Variants in EPB41L4A observed in about 807,000 individuals in gnomAD.
EPB41L4A encodes erythrocyte membrane protein band 4.1 like 4A, also known as band 4.1-like protein 4A.
In EPB41L4A, 100 loss-of-function variants were observed where a neutral mutation model predicts 108.6. The observed-to-expected ratio is 0.92, with a 90% CI of 0.78 to 1.09. The LOEUF (loss-of-function observed/expected upper bound fraction) is 1.09, where lower values mean the gene tolerates loss of function less well. Among genes scored for constraint, EPB41L4A ranks in the 50% least tolerant of loss-of-function variants. The pLI, the probability that EPB41L4A is intolerant of heterozygous loss-of-function variation, is 0.00. For synonymous variants in EPB41L4A, 319 were observed against 289.0 expected, an observed-to-expected ratio of 1.10 and a Z score of -1.05; for missense variants, 1,030 against 842.7, an observed-to-expected ratio of 1.22 and a Z score of -2.75.
rs1414943602 is a variant in EPB41L4A, at chr5:112,184,145, A to G, written c.1503-10T>C. On this transcript the variant is annotated splice_polypyrimidine_tract_variant and intron_variant, in intron 17 of 22. Transcript: ENST00000261486. ...ATTCTCCTGCCGTATTCTGAAAGGAAAGCCATGCATCTGAAGTTAACATCT... is the reference window on the plus strand; with the variant it reads ...ATTCTCCTGCCGTATTCTGAAAGGAGAGCCATGCATCTGAAGTTAACATCT... 2 of 1,613,696 alleles carry G rather than the reference A, an allele frequency of 1.2e-6. No individual in the cohort carries two copies. Among genetic ancestry groups the G allele is most frequent in the African/African-American group, 1.3e-5 (1 of 74,914 alleles).
At chr5:112,165,257 C>A in intron 22 of EPB41L4A, 139 bp from the exon 23 acceptor site, 1 of 642,234 alleles carries the variant, frequency 1.6e-6, no homozygotes, top group South Asian at 2.2e-5. Flanking sequence ...AAAAGCTATT[C>A]AATAAATGTT....
intron 1 of EPB41L4A, among the ~76,000 whole-genome samples, chr5:112,364,552 A>C (rs1290753719): frequency 6.6e-6 from 1 of 152,182 alleles, no homozygotes; most frequent in Non-Finnish European, 1.5e-5. Flanking sequence ...CTAATGGAGA[A>C]ACTCAGTGGG....
intron 13 of EPB41L4A, chr5:112,207,032 C>A (rs1016519025): frequency 2.3e-4 from 35 of 152,196 alleles, no homozygotes; most frequent in African/African-American, 8.4e-4. Flanking sequence ...TACCTGACTT[C>A]AAACTGTACT....
intron 22 of EPB41L4A, among the ~76,000 whole-genome samples, chr5:112,167,337 T>C (rs1413319876): frequency 2.6e-5 from 4 of 152,190 alleles, no homozygotes; most frequent in African/African-American, 9.7e-5. Context: ...GAAAAAGTAC[T>C]GTCAACTTTA....
chr5:112,233,251 A>G (rs527509681), intron 12 of EPB41L4A, among the ~76,000 whole-genome samples: 1 of 152,356 alleles, frequency 6.6e-6, no homozygotes, highest in South Asian at 2.1e-4. Context: ...TTTGTTCAGG[A>G]AACTGACAAA....
intron 2 of EPB41L4A, among the ~76,000 whole-genome samples, chr5:112,296,691 T>C (rs528840582): frequency 3.9e-5 from 6 of 152,314 alleles, no homozygotes; most frequent in African/African-American, 1.4e-4. Flanking sequence ...TTGTGAGATT[T>C]TGGTGCAACC....
chr5:112,197,575 A>G (rs533020504), intron 15 of EPB41L4A, among the ~76,000 whole-genome samples: 1 of 152,178 alleles, frequency 6.6e-6, no homozygotes, highest in Non-Finnish European at 1.5e-5. Context: ...TTCCATGTAC[A>G]TATCACTTGC....
intron 9 of EPB41L4A, among the ~76,000 whole-genome samples, chr5:112,250,022 C>CAT (rs1750544893): frequency 6.6e-6 from 1 of 151,968 alleles, no homozygotes; most frequent in Non-Finnish European, 1.5e-5. Flanking sequence ...GATACACACA[C>CAT]ATTTTTTTAA....
intron 17 of EPB41L4A, among the ~76,000 whole-genome samples, chr5:112,188,267 G>A: frequency 6.6e-6 from 1 of 151,886 alleles, no homozygotes; most frequent in East Asian, 1.9e-4. Flanking sequence ...TTGGTTCCAG[G>A]CATGTGTCGA....
At chr5:112,204,950 G>C (rs1762401005) in intron 14 of EPB41L4A, among the ~76,000 whole-genome samples, 1 of 152,126 alleles carries the variant, frequency 6.6e-6, no homozygotes, top group African/African-American at 2.4e-5. Flanking sequence ...AAGTGGCAGG[G>C]CTAGAATTTG....
At chr5:112,241,447 T>C (rs1749779202) in intron 9 of EPB41L4A, among the ~76,000 whole-genome samples, 4 of 152,200 alleles carry the variant, frequency 2.6e-5, no homozygotes, top group Non-Finnish European at 4.4e-5. Flanking sequence ...TGATTCTCTA[T>C]ATTTAATAAG....
intron 15 of EPB41L4A, among the ~76,000 whole-genome samples, chr5:112,203,392 G>GA (rs1762311000): frequency 6.6e-6 from 1 of 151,922 alleles, no homozygotes; most frequent in Non-Finnish European, 1.5e-5. Context: ...CCAAAAAAAG[G>GA]AAAAAGTCAT....
At chr5:112,366,811 C>G (rs896632592) in intron 1 of EPB41L4A, among the ~76,000 whole-genome samples, 5 of 152,164 alleles carry the variant, frequency 3.3e-5, no homozygotes, top group Admixed American at 1.3e-4. Context: ...CCTGTACCTT[C>G]AGCTATTTGC....
intron 15 of EPB41L4A, among the ~76,000 whole-genome samples, chr5:112,200,075 T>C (rs1762148949): frequency 6.6e-6 from 1 of 152,236 alleles, no homozygotes; most frequent in African/African-American, 2.4e-5. Context: ...TCAGATCCCA[T>C]CTTTCTCTCT....
intron 1 of EPB41L4A, among the ~76,000 whole-genome samples, chr5:112,360,365 A>G (rs556934240): frequency 6.6e-6 from 1 of 152,058 alleles, no homozygotes; most frequent in African/African-American, 2.4e-5. Flanking sequence ...GCTCACCGCA[A>G]CCTCCCTGCC....
intron 1 of EPB41L4A, among the ~76,000 whole-genome samples, chr5:112,412,801 T>C (rs1173737484): frequency 6.6e-6 from 1 of 152,236 alleles, no homozygotes; most frequent in Non-Finnish European, 1.5e-5. Flanking sequence ...GAGCCGTAGA[T>C]GCAGCCAGTT....
At chr5:112,360,421 GCA>G (rs1758646360) in intron 1 of EPB41L4A, among the ~76,000 whole-genome samples, 2 of 152,118 alleles carry the variant, frequency 1.3e-5, no homozygotes, top group African/African-American at 2.4e-5. Flanking sequence ...TTGCAGGCGC[GCA>G]CCGCCACGCC....
At chr5:112,218,609 G>A (rs940349151) in intron 12 of EPB41L4A, among the ~76,000 whole-genome samples, 4 of 152,178 alleles carry the variant, frequency 2.6e-5, no homozygotes, top group African/African-American at 9.7e-5. Context: ...AGAGGAGAGT[G>A]CTAGAACACT....
intron 11 of EPB41L4A, among the ~76,000 whole-genome samples, chr5:112,238,499 A>G (rs1749526428): frequency 6.6e-6 from 1 of 152,226 alleles, no homozygotes; most frequent in African/African-American, 2.4e-5. Flanking sequence ...ATAATCTTTA[A>G]TCTCAAATTC....
Sources: allele counts gnomAD v4.1 joint callset (sites outside exome capture counted in the v4.1 genomes callset), GRCh38; gene constraint gnomAD v4.1.1; transcripts MANE v1.5; gene names NCBI Gene and HGNC (gene_info 2026-07-23, HGNC 2026-07-21).